Variants in CSMD1 observed in about 807,000 individuals in gnomAD.
CSMD1 encodes the protein CUB and sushi domain-containing protein 1.
CSMD1 carries 213 observed loss-of-function variants against 417.5 expected under a neutral mutation model. The ratio of observed to expected loss-of-function variants is 0.51; its 90% CI spans 0.46 to 0.57. The LOEUF (loss-of-function observed/expected upper bound fraction) is 0.57, where lower values mean the gene tolerates loss of function less well. CSMD1 is among the 20% of genes least tolerant of loss of function. The pLI is 0.00. For missense variants in CSMD1, 6,923 were observed against 4,529.7 expected (o/e 1.53, Z -15.17); for synonymous variants, 2,862 against 1,736.8 (o/e 1.65, Z -16.11).
At chr8:4,888,212 GAAAA>G (rs1803878377) in intron 1 of CSMD1, among the ~76,000 whole-genome samples, 1 of 151,712 alleles carries the variant, frequency 6.6e-6, no homozygotes, top group South Asian at 2.1e-4. Flanking sequence ...ATAAAAGAAA[GAAAA>G]AATAGAAAGA....
intron 3 of CSMD1, among the ~76,000 whole-genome samples, chr8:4,296,535 T>G (rs532717976): frequency 6.6e-6 from 1 of 152,208 alleles, no homozygotes; most frequent in African/African-American, 2.4e-5. Flanking sequence ...ATGTTAAGCA[T>G]TATTCACTAC....
intron 33 of CSMD1, among the ~76,000 whole-genome samples, chr8:3,192,750 A>G (rs768769518): frequency 6.6e-6 from 1 of 152,164 alleles, no homozygotes; most frequent in Non-Finnish European, 1.5e-5. Flanking sequence ...CCATCACAGG[A>G]GGTCAGGTGT....
chr8:4,575,342 G>T (rs1220238041), intron 2 of CSMD1, among the ~76,000 whole-genome samples: 1 of 152,150 alleles, frequency 6.6e-6, no homozygotes, highest in East Asian at 1.9e-4. Context: ...GCAATAACAG[G>T]TCACATTTTT....
chr8:4,166,988 C>T (rs1797493483), intron 3 of CSMD1, among the ~76,000 whole-genome samples: 1 of 152,188 alleles, frequency 6.6e-6, no homozygotes, highest in African/African-American at 2.4e-5. Context: ...TTTCTGCCTG[C>T]CCCTGTGCTG....
At chr8:4,178,850 C>G (rs1053546014) in intron 3 of CSMD1, among the ~76,000 whole-genome samples, 2 of 152,114 alleles carry the variant, frequency 1.3e-5, no homozygotes, top group African/African-American at 2.4e-5. Context: ...GAATAAAATA[C>G]TTAGAAATCC....
At chr8:4,372,260 T>A (rs749901737) in intron 3 of CSMD1, among the ~76,000 whole-genome samples, 1 of 152,194 alleles carries the variant, frequency 6.6e-6, no homozygotes, top group Non-Finnish European at 1.5e-5. Flanking sequence ...ATACATAACG[T>A]CGGCTCTCCA....
rs753896713 is a variant in CSMD1 at position 4,370,920 on chromosome 8, C to T, written c.415+49033G>A. Among the ~76,000 whole-genome samples, 3 of 152,182 alleles carry T rather than the reference C, an allele frequency of 2.0e-5. No homozygotes were observed. In the East Asian group the frequency reaches 5.8e-4, roughly 29 times the overall value. ...TCCAGATTCTGAAGTCTATGTCTGA[C>T]ACACTTCAGCCATTTCAGTCTGGTT... On this transcript the variant is annotated intron_variant, in intron 3 of 69. Transcript: ENST00000635120.
At chr8:3,312,958 C>T (rs1210835401) in intron 23 of CSMD1, among the ~76,000 whole-genome samples, 1 of 152,156 alleles carries the variant, frequency 6.6e-6, no homozygotes, top group African/African-American at 2.4e-5. Flanking sequence ...TGTTTAAAGA[C>T]TAGAATATAA....
intron 6 of CSMD1, among the ~76,000 whole-genome samples, chr8:3,724,787 G>A (rs1049329292): frequency 6.6e-6 from 1 of 152,136 alleles, no homozygotes; most frequent in East Asian, 1.9e-4. Flanking sequence ...AAGAATACCA[G>A]CAGTACTTTG....
chr8:3,708,268 T>C, intron 7 of CSMD1, 146 bp downstream of exon 7: 1 of 661,316 alleles, frequency 1.5e-6, no homozygotes, highest in Non-Finnish European at 2.6e-6. Context: ...TGCATGTTCT[T>C]TCTCCCAGAA....
At chr8:3,175,338 A>C (rs1820842355) in intron 37 of CSMD1, among the ~76,000 whole-genome samples, 1 of 152,018 alleles carries the variant, frequency 6.6e-6, no homozygotes, top group Non-Finnish European at 1.5e-5. Context: ...CACTGATTCA[A>C]CCTCCTACGT....
intron 3 of CSMD1, among the ~76,000 whole-genome samples, chr8:4,230,906 T>C (rs1048544965): frequency 1.3e-5 from 2 of 152,160 alleles, no homozygotes; most frequent in African/African-American, 2.4e-5. Flanking sequence ...TTCAATATTA[T>C]ATGCTGTGAT....
At chr8:4,386,068 C>A (rs1400047926) in intron 3 of CSMD1, among the ~76,000 whole-genome samples, 1 of 152,112 alleles carries the variant, frequency 6.6e-6, no homozygotes, top group Non-Finnish European at 1.5e-5. Context: ...TCTGTGATAC[C>A]TTCTTGTGTT....
intron 4 of CSMD1, among the ~76,000 whole-genome samples, chr8:4,009,343 C>A (rs574052349): frequency 6.6e-6 from 1 of 152,068 alleles, no homozygotes; most frequent in African/African-American, 2.4e-5. Context: ...ATCTATCTTA[C>A]GGACATAATT....
intron 3 of CSMD1, among the ~76,000 whole-genome samples, chr8:4,350,170 C>A (rs1269187465): frequency 1.3e-5 from 2 of 152,106 alleles, no homozygotes; most frequent in African/African-American, 4.8e-5. Context: ...CTTATTGTTA[C>A]AAGCCTTCTC....
chr8:3,772,943 T>A lies in CSMD1; in HGVS notation c.819-18901A>T, dbSNP rs1798697469. Among the ~76,000 whole-genome samples, 3 of 152,198 alleles carry A rather than the reference T, an allele frequency of 2.0e-5. No homozygotes were observed. The South Asian group carries it at 6.2e-4, about 32-fold the overall frequency. On this transcript the variant is annotated intron_variant, in intron 5 of 69. Transcript: ENST00000635120. ...GTTTATGGCTCACAGTTCTGGGGTCTGGAGGTTCACTATCAAGGTGCCAGT... is the reference window on the plus strand; with the variant it reads ...GTTTATGGCTCACAGTTCTGGGGTCAGGAGGTTCACTATCAAGGTGCCAGT...
chr8:3,966,536 T>C (rs984754709), intron 5 of CSMD1, among the ~76,000 whole-genome samples: 2 of 152,190 alleles, frequency 1.3e-5, no homozygotes, highest in African/African-American at 4.8e-5. Flanking sequence ...TGTATTCTTT[T>C]GTTTCAGGTT....
At chr8:3,945,703 T>G (rs545165139) in intron 5 of CSMD1, among the ~76,000 whole-genome samples, 1 of 152,246 alleles carries the variant, frequency 6.6e-6, no homozygotes, top group South Asian at 2.1e-4. Context: ...CATCGACATT[T>G]AAAGCTCATT....
intron 4 of CSMD1, among the ~76,000 whole-genome samples, chr8:4,013,503 G>A (rs530895217): frequency 2.0e-5 from 3 of 152,252 alleles, no homozygotes; most frequent in African/African-American, 4.8e-5. Context: ...GTCCTGTCCA[G>A]GCAGTGACCA....
Sources: gnomAD v4.1 joint callset for allele counts (sites outside exome capture counted in the v4.1 genomes callset) on GRCh38, gnomAD v4.1.1 for gene constraint, MANE v1.5 for transcripts, NCBI Gene and HGNC (gene_info 2026-07-23, HGNC 2026-07-21) for gene names.